Variants in TLN2 observed in about 807,000 individuals in gnomAD.
TLN2 encodes talin-2.
Under a neutral mutation model 294.7 loss-of-function variants are expected in TLN2, and 118 were observed. The observed-to-expected ratio is 0.40, with a 90% CI of 0.34 to 0.47. TLN2 has a LOEUF of 0.47. Ranked by LOEUF, TLN2 falls within the 20% of genes least tolerant of loss-of-function variation. TLN2 has a pLI of 0.84. For missense variants in TLN2, 3,083 were observed against 3,282.2 expected, an observed-to-expected ratio of 0.94 and a Z score of 1.48; for synonymous variants, 1,431 against 1,304.5, an observed-to-expected ratio of 1.10 and a Z score of -2.09.
chr15:62,640,556 G>T (rs1230375943), intron 3 of TLN2, among the ~76,000 whole-genome samples: 2 of 152,258 alleles, frequency 1.3e-5, no homozygotes, highest in South Asian at 4.1e-4. Flanking sequence ...ACAAGCCCCA[G>T]GGTGGAAGCT....
intron 43 of TLN2, among the ~76,000 whole-genome samples, chr15:62,780,260 T>TG (rs1208393999): frequency 6.6e-6 from 1 of 152,210 alleles, no homozygotes; most frequent in Non-Finnish European, 1.5e-5. Context: ...AGGATGGTGG[T>TG]GGTGAAGATG....
chr15:62,503,699 T>C (rs962315379), intron 1 of TLN2, among the ~76,000 whole-genome samples: 2 of 152,238 alleles, frequency 1.3e-5, no homozygotes, highest in Non-Finnish European at 2.9e-5. Flanking sequence ...TTTGCCAGCT[T>C]GTGGCCTTTC....
chr15:62,570,564 C>T (rs986580706), intron 1 of TLN2, among the ~76,000 whole-genome samples: 6 of 152,160 alleles, frequency 3.9e-5, no homozygotes, highest in African/African-American at 1.4e-4. Context: ...CTTTCCCTCC[C>T]CTCTCTGAAC....
chr15:62,621,540 G>A (rs2048829247), intron 3 of TLN2, among the ~76,000 whole-genome samples: 2 of 152,190 alleles, frequency 1.3e-5, no homozygotes, highest in Admixed American at 1.3e-4. Context: ...TGTACTAGAA[G>A]TTTAAATCCA....
chr15:62,747,645 G>C (rs1040831008), intron 32 of TLN2, among the ~76,000 whole-genome samples: 17 of 152,070 alleles, frequency 1.1e-4, no homozygotes, highest in Non-Finnish European at 5.9e-5. Flanking sequence ...GCTTTCTTAG[G>C]AGAACTACAG....
rs1383998752 is a variant in TLN2 at position 62,833,577 on chromosome 15, C to T, written c.7076C>T (p.Ala2359Val). ...AAKSIAAATS[A>V]LVKSASAAQR... Reference sequence around the variant, plus strand: ...AAATCCATTGCTGCTGCCACAAGCGCCCTGGTCAAATCGGCCTCAGCAGCC... The same window carrying T: ...AAATCCATTGCTGCTGCCACAAGCGTCCTGGTCAAATCGGCCTCAGCAGCC... The change falls in exon 55 of 59, where the codon GCC (alanine) becomes GTC (valine). Residue 2359 changes from alanine (A) to valine (V), a missense_variant. Coordinates refer to ENST00000636159, the MANE Select transcript of TLN2 (RefSeq NM_015059.3). 2 of 1,614,180 alleles carry T rather than the reference C, an allele frequency of 1.2e-6. No homozygotes were observed. The highest frequency in any genetic ancestry group is 1.7e-6 in the Non-Finnish European group (2 of 1,180,026).
intron 1 of TLN2, among the ~76,000 whole-genome samples, chr15:62,496,391 T>G (rs1187697366): frequency 7.9e-5 from 12 of 152,152 alleles, no homozygotes; most frequent in Non-Finnish European, 1.8e-4. Context: ...TCCTAGAGTT[T>G]CCCTTTCAGA....
In TLN2 at chr15:62,691,825, A is replaced by T. The variant is rs116036232; in HGVS notation, c.1114-1015A>T. Among the ~76,000 whole-genome samples, 398 of 151,690 alleles carry T rather than the reference A, an allele frequency of 2.6e-3. 2 individuals carry two copies. The highest frequency in any genetic ancestry group is 9.2e-3 in the African/African-American group (382 of 41,316). The stretch of plus-strand genomic sequence containing the variant: ...GCTGGAACTGCAGGCTCATGCCACT[A>T]TGCCTGGCTAATTAAAAAAAAAAAA... On this transcript the variant is annotated intron_variant, in intron 12 of 58. Coordinates refer to ENST00000636159, the MANE Select transcript of TLN2 (RefSeq NM_015059.3).
intron 18 of TLN2, 37 bp from the exon 19 acceptor site, chr15:62,702,729 G>A (rs12908653): frequency 0.34 from 547,397 of 1,597,736 alleles, 97,871 homozygotes; most frequent in East Asian, 0.66. Flanking sequence ...GAGGAAATGC[G>A]TTTTCTTTCC....
intron 1 of TLN2, among the ~76,000 whole-genome samples, chr15:62,474,890 T>C (rs145159075): frequency 3.9e-4 from 60 of 152,118 alleles, no homozygotes; most frequent in Non-Finnish European, 5.6e-4. Context: ...CATCTCACTC[T>C]CTTGACCCAG....
Position 62,833,578 on chromosome 15 carries a change from C to T in TLN2, c.7077C>T (p.Ala2359=), listed in dbSNP as rs1293630561. 2 of 1,614,150 alleles carry T rather than the reference C, an allele frequency of 1.2e-6. No individual in the cohort carries two copies. The highest frequency in any genetic ancestry group is 3.3e-5 in the Admixed American group (2 of 60,018). Reference sequence around the variant, plus strand: ...AATCCATTGCTGCTGCCACAAGCGCCCTGGTCAAATCGGCCTCAGCAGCCC... The same window carrying T: ...AATCCATTGCTGCTGCCACAAGCGCTCTGGTCAAATCGGCCTCAGCAGCCC... The part of the protein sequence containing the change: ...AAKSIAAATS[A]LVKSASAAQR... The change falls in exon 55 of 59, where the codon GCC becomes GCT. Residue 2359 remains alanine (A), a synonymous_variant. Coordinates refer to ENST00000636159, the MANE Select transcript of TLN2 (RefSeq NM_015059.3).
chr15:62,700,051 G>C (rs1044061311), intron 16 of TLN2, among the ~76,000 whole-genome samples: 1 of 152,192 alleles, frequency 6.6e-6, no homozygotes, highest in South Asian at 2.1e-4. Flanking sequence ...TTGCACAGTT[G>C]TGTGCGTGGA....
At chr15:62,469,206 A>G (rs1249949201) in intron 1 of TLN2, among the ~76,000 whole-genome samples, 1 of 152,230 alleles carries the variant, frequency 6.6e-6, no homozygotes, top group African/African-American at 2.4e-5. Flanking sequence ...TATTGTGAGC[A>G]TGTAAGCAGA....
At chr15:62,839,090 AC>A in intron 58 of TLN2, 109 bp downstream of exon 58, 1 of 1,409,904 alleles carries the variant, frequency 7.1e-7, no homozygotes, top group Non-Finnish European at 9.6e-7. Context: ...TTCCTCGTGT[AC>A]CAGAGATGGT....
intron 1 of TLN2, among the ~76,000 whole-genome samples, chr15:62,429,130 T>TG (rs201052996): frequency 0.29 from 21,750 of 74,454 alleles, 2,015 homozygotes; most frequent in Middle Eastern, 0.45. Flanking sequence ...TTGGCGGGGG[T>TG]TGGGGGGGTA....
intron 1 of TLN2, among the ~76,000 whole-genome samples, chr15:62,429,206 G>A (rs1400136603): frequency 6.6e-6 from 1 of 152,040 alleles, no homozygotes; most frequent in African/African-American, 2.4e-5. Context: ...GTTTCAGGAA[G>A]GAGGAGGAGA....
chr15:62,678,839 T>C (rs1277135186), intron 11 of TLN2, among the ~76,000 whole-genome samples: 1 of 151,960 alleles, frequency 6.6e-6, no homozygotes, highest in East Asian at 1.9e-4. Flanking sequence ...TCAAAATAAA[T>C]AAATAAATAA....
At chr15:62,727,027 A>G (rs2060476283) in intron 27 of TLN2, 60 bp from the exon 28 acceptor site, 2 of 1,535,968 alleles carry the variant, frequency 1.3e-6, no homozygotes, top group Admixed American at 1.8e-5. Flanking sequence ...AAATTATTTT[A>G]AGACCTCAGC....
intron 45 of TLN2, among the ~76,000 whole-genome samples, chr15:62,787,306 GT>G (rs2064744141): frequency 6.6e-6 from 1 of 152,174 alleles, no homozygotes; most frequent in Non-Finnish European, 1.5e-5. Context: ...AGATGTAGTT[GT>G]TTTTTAAGGC....
Sources: gnomAD v4.1 joint callset for allele counts (sites outside exome capture counted in the v4.1 genomes callset) on GRCh38, gnomAD v4.1.1 for gene constraint, MANE v1.5 for transcripts, NCBI Gene and HGNC (gene_info 2026-07-23, HGNC 2026-07-21) for gene names.